RIMBP2: variants seen among roughly 807,000 people sequenced by gnomAD.
RIMBP2 encodes the protein RIMS binding protein 2.
A neutral mutation model predicts 118.6 loss-of-function variants in RIMBP2; 48 were observed. That is an observed-to-expected ratio of 0.40 (90% CI 0.32 to 0.51). The LOEUF (loss-of-function observed/expected upper bound fraction) is 0.51. RIMBP2 is among the 20% of genes least tolerant of loss of function. The probability of loss-of-function intolerance (pLI) is 0.41; values close to 1 mark genes in which losing one functional copy is unlikely to be tolerated. For missense variants in RIMBP2, 1,551 were observed against 1,768.3 expected (o/e 0.88, Z 2.20); for synonymous variants, 762 against 742.9 (o/e 1.03, Z -0.42).
chr12:130,478,823 G>T, intron 5 of RIMBP2, 89 bp downstream of exon 5: 1 of 881,748 alleles, frequency 1.1e-6, no homozygotes, highest in Non-Finnish European at 1.8e-6. Context: ...AGCCAAGGCC[G>T]CAGGTCGGCC....
Position 130,424,906 on chromosome 12 carries a change from C to T in RIMBP2, c.2413-48G>A. ...ACAGGCGCGGGAAAGAGTGTGTGGT[C>T]AGCATGAAGTGGGGGCCAGGGGAGG... is the stretch of plus-strand genomic sequence containing the variant. On this transcript the variant is annotated intron_variant, in intron 15 of 22. Transcript: ENST00000690449. This position sits in a 1 kb window ranked among gnomAD's most constrained non-coding sequence, Gnocchi z 9.8. 1 of 1,135,148 alleles carries T rather than the reference C, an allele frequency of 8.8e-7. No individual in the cohort carries two copies. The highest frequency in any genetic ancestry group is 1.1e-6 in the Non-Finnish European group (1 of 900,272). The allele number at this position is 1,135,148 out of a possible 1,614,324, so 70.3% of individuals were successfully genotyped here.
At chr12:130,559,583 T>A (rs2056649046) in intron 2 of RIMBP2, among the ~76,000 whole-genome samples, 1 of 152,118 alleles carries the variant, frequency 6.6e-6, no homozygotes, top group Admixed American at 6.5e-5. Context: ...CTTAGGTTGA[T>A]CCTACACCTT....
At chr12:130,618,023 C>CTT (rs1566377371) in intron 2 of RIMBP2, among the ~76,000 whole-genome samples, 2 of 958 alleles carry the variant, frequency 2.1e-3, no homozygotes, top group Admixed American at 0.018. Context: ...AAGACCTCTT[C>CTT]TAAAAAAAAA....
At position 130,414,216 on chromosome 12, in the gene RIMBP2, A is replaced by C. The variant is rs1458766138; in HGVS notation, c.3329T>G (p.Val1110Gly). Reference sequence around the variant, plus strand: ...GAGCGGGTCGTAGTCAAAGAGAGCCACAAAGATCCGGGCCGGGAGCTCTTC... The same window carrying C: ...GAGCGGGTCGTAGTCAAAGAGAGCCCCAAAGATCCGGGCCGGGAGCTCTTC... ...GAEELPARIF[V>G]ALFDYDPLTM... is the part of the protein sequence containing the mutation. The change falls in exon 18 of 23, where the codon GTG (valine) becomes GGG (glycine). Residue 1110 changes from valine (V) to glycine (G), a missense_variant. Around this residue, in one of 5 missense-constraint regions of RIMBP2, gnomAD observed 1,038 missense variants for 1,125.1 expected, o/e 0.92. Coordinates refer to ENST00000690449, the MANE Select transcript of RIMBP2 (RefSeq NM_001393629.1). 6.2e-7 allele frequency: 1 copy of C among 1,614,218 alleles called. No individual in the cohort carries two copies. Among genetic ancestry groups the C allele is most frequent in the Admixed American group, 1.7e-5 (1 of 60,024 alleles).
rs2076273157 is a variant in RIMBP2 at position 130,419,180 on chromosome 12, G to C, written c.3238+3273C>G. On this transcript the variant is annotated intron_variant, in intron 17 of 22. Coordinates refer to ENST00000690449, the MANE Select transcript of RIMBP2 (RefSeq NM_001393629.1). This position sits in a 1 kb window ranked among gnomAD's most constrained non-coding sequence, Gnocchi z 4.3. ...TCACTGCAGACTGGACTGGGCAGTT[G>C]GGGGTCCCTTGTCCTTGGTGATGGC... 6.6e-6 allele frequency among the ~76,000 whole-genome samples: 1 copy of C among 152,190 alleles called. No individual in the cohort carries two copies. The highest frequency in any genetic ancestry group is 2.4e-5 in the African/African-American group (1 of 41,442).
chr12:130,670,602 G>A lies in RIMBP2; in HGVS notation c.-351-42146C>T, dbSNP rs76586200. ...TTCAGCACCATGAAGCCGCCAGTCC[G>A]ACACCCATTCCCAGTACCCTTCTCT... On this transcript the variant is annotated intron_variant, in intron 1 of 22. Transcript: ENST00000690449. The surrounding 1 kb of genome is among the most constrained non-coding windows in gnomAD (Gnocchi z 4.9). Among the ~76,000 whole-genome samples the A allele has an allele frequency of 0.042, 6,330 of 152,048 alleles. 232 individuals carry two copies. Among genetic ancestry groups the A allele is most frequent in the African/African-American group, 0.1 (4,166 of 41,454 alleles).
intron 2 of RIMBP2, among the ~76,000 whole-genome samples, chr12:130,542,721 G>A (rs1205347585): frequency 6.6e-6 from 1 of 152,210 alleles, no homozygotes; most frequent in Non-Finnish European, 1.5e-5. Flanking sequence ...TGTGACTCTA[G>A]ATGCAATCTG....
intron 19 of RIMBP2, among the ~76,000 whole-genome samples, chr12:130,410,179 A>G (rs1317895544): frequency 6.6e-6 from 1 of 152,182 alleles, no homozygotes; most frequent in Non-Finnish European, 1.5e-5. Context: ...CCACCCACAT[A>G]TCGTCTTTGG....
At chr12:130,678,611 A>C (rs1281241923) in intron 1 of RIMBP2, among the ~76,000 whole-genome samples, 2 of 151,978 alleles carry the variant, frequency 1.3e-5, no homozygotes, top group Non-Finnish European at 2.9e-5. Flanking sequence ...TCCACCTCCC[A>C]GGTTCAAGCG....
chr12:130,507,057 C>A (rs370266437), intron 3 of RIMBP2, among the ~76,000 whole-genome samples: 2 of 152,204 alleles, frequency 1.3e-5, no homozygotes, highest in East Asian at 3.9e-4. Flanking sequence ...TCAGTGTAAT[C>A]TCATCCCCTG....
chr12:130,519,665 C>T (rs2051867744), intron 2 of RIMBP2, among the ~76,000 whole-genome samples: 1 of 152,134 alleles, frequency 6.6e-6, no homozygotes, highest in Admixed American at 6.5e-5. Flanking sequence ...TGGCTGCTGA[C>T]CTCAGAGACC....
intron 1 of RIMBP2, among the ~76,000 whole-genome samples, chr12:130,646,034 G>C (rs1321903152): frequency 6.8e-6 from 1 of 147,990 alleles, no homozygotes; most frequent in East Asian, 2.0e-4. Context: ...TGGTGCGGCA[G>C]CCAGTTCCCT....
chr12:130,521,320 G>T (rs2052083991), intron 2 of RIMBP2, among the ~76,000 whole-genome samples: 1 of 152,182 alleles, frequency 6.6e-6, no homozygotes, highest in Admixed American at 6.5e-5. Flanking sequence ...AGATCAGAAG[G>T]CCTCCAAATG....
chr12:130,448,999 A>G (rs1038302884), intron 9 of RIMBP2, among the ~76,000 whole-genome samples: 1 of 152,236 alleles, frequency 6.6e-6, no homozygotes, highest in Non-Finnish European at 1.5e-5. Context: ...TTGCATGAAC[A>G]GAGTTTAAGG....
chr12:130,502,762 C>T lies in RIMBP2; in HGVS notation c.-4+3886G>A, dbSNP rs142429550. 2.0e-4 allele frequency among the ~76,000 whole-genome samples: 31 copies of T among 152,238 alleles called. 1 individual carries two copies. The East Asian group carries it at 4.2e-3, about 21-fold the overall frequency. On this transcript the variant is annotated intron_variant, in intron 4 of 22. Transcript: ENST00000690449. ...AGGTCTATTTTGCTAACTGCTATACCCCTGGTGCCTGCAACAGTGCCTGGT... is the reference window on the plus strand; with the variant it reads ...AGGTCTATTTTGCTAACTGCTATACTCCTGGTGCCTGCAACAGTGCCTGGT...
chr12:130,446,471 C>G lies in RIMBP2; in HGVS notation c.582-1202G>C, dbSNP rs1455563466. ...CCAGAGCTGAGACCTCCTGACCCGT[C>G]CTGCGCAGTTTTAACCACACCAGGT... On this transcript the variant is annotated intron_variant, in intron 9 of 22. Transcript: ENST00000690449. The surrounding 1 kb of genome is among the most constrained non-coding windows in gnomAD (Gnocchi z 4.1). 2.6e-5 allele frequency among the ~76,000 whole-genome samples: 4 copies of G among 152,186 alleles called. No individual in the cohort carries two copies. Among genetic ancestry groups the G allele is most frequent in the Non-Finnish European group, 5.9e-5 (4 of 68,040 alleles).
rs2052703679 is a variant in RIMBP2, at chr12:130,525,692, C to T, written c.-216-7775G>A. ...AGGACGGGGCACTTGGGGATGAGAT[C>T]GTATGGGGGGAGATGACCCAAGGGG... On this transcript the variant is annotated intron_variant, in intron 2 of 22. Transcript: ENST00000690449. This position sits in a 1 kb window ranked among gnomAD's most constrained non-coding sequence, Gnocchi z 4.4. Among the ~76,000 whole-genome samples the T allele has an allele frequency of 6.6e-6, 1 of 152,076 alleles. No homozygotes were observed. Among genetic ancestry groups the T allele is most frequent in the South Asian group, 2.1e-4 (1 of 4,810 alleles).
At chr12:130,455,145 T>C (rs1278722160) in intron 7 of RIMBP2, among the ~76,000 whole-genome samples, 1 of 152,232 alleles carries the variant, frequency 6.6e-6, no homozygotes, top group East Asian at 1.9e-4. Context: ...GGGCTCTGTG[T>C]GGCCCTTCAC....
chr12:130,411,291 C>T (rs1156583206), intron 19 of RIMBP2, among the ~76,000 whole-genome samples: 1 of 152,156 alleles, frequency 6.6e-6, no homozygotes, highest in Non-Finnish European at 1.5e-5. Context: ...TCCATGTCAT[C>T]TGTGAACAGA....
Sources: gnomAD v4.1 joint callset for allele counts (sites outside exome capture counted in the v4.1 genomes callset) on GRCh38, gnomAD v4.1.1 for gene constraint, gnomAD v4.1.1 regional missense constraint, Gnocchi (gnomAD v3.1) non-coding constraint, MANE v1.5 for transcripts, NCBI Gene and HGNC (gene_info 2026-07-23, HGNC 2026-07-21) for gene names.